The following METTL15 variants were observed in gnomAD, a reference collection of about 807,000 sequenced individuals.
The protein encoded by METTL15 is 12S rRNA N(4)-cytidine methyltransferase METTL15.
Under a neutral mutation model 38.3 loss-of-function variants are expected in METTL15, and 34 were observed. The ratio of observed to expected loss-of-function variants is 0.89; its 90% CI spans 0.68 to 1.18. The LOEUF (loss-of-function observed/expected upper bound fraction) is 1.18. Among genes scored for constraint, METTL15 ranks in the 50% most tolerant of loss-of-function variants. The pLI is 0.00. For missense variants in METTL15, 438 were observed against 498.4 expected, an observed-to-expected ratio of 0.88 and a Z score of 1.15; for synonymous variants, 162 against 170.9, an observed-to-expected ratio of 0.95 and a Z score of 0.41.
At chr11:28,249,725 AT>A (rs762299783) in intron 4 of METTL15, among the ~76,000 whole-genome samples, 32 of 147,522 alleles carry the variant, frequency 2.2e-4, no homozygotes, top group African/African-American at 2.7e-4. Flanking sequence ...CACTAAGGAG[AT>A]TTTTTTTTTT....
chr11:28,180,748 T>G, intron 3 of METTL15, among the ~76,000 whole-genome samples: 1 of 151,830 alleles, frequency 6.6e-6, no homozygotes, highest in East Asian at 1.9e-4. Context: ...AAAAGAATAG[T>G]ATATTTGAAA....
At chr11:28,236,882 A>T (rs911239425) in intron 4 of METTL15, among the ~76,000 whole-genome samples, 3 of 152,172 alleles carry the variant, frequency 2.0e-5, no homozygotes, top group Admixed American at 2.0e-4. Context: ...GCTGGATATG[A>T]AATTCTGGGT....
intron 3 of METTL15, among the ~76,000 whole-genome samples, chr11:28,350,566 A>G (rs1361999621): frequency 1.3e-5 from 2 of 152,192 alleles, no homozygotes; most frequent in African/African-American, 2.4e-5. Flanking sequence ...ACTTTTGGAT[A>G]AGAGCCTGGT....
At chr11:28,217,540 T>C (rs1475352508) in intron 4 of METTL15, among the ~76,000 whole-genome samples, 1 of 152,198 alleles carries the variant, frequency 6.6e-6, no homozygotes, top group Non-Finnish European at 1.5e-5. Context: ...TTTCTTTTGC[T>C]GTGCAGAAGC....
intron 3 of METTL15, among the ~76,000 whole-genome samples, chr11:28,349,796 G>T (rs1850026563): frequency 6.6e-6 from 1 of 152,128 alleles, no homozygotes; most frequent in South Asian, 2.1e-4. Context: ...GGCAACTACT[G>T]TTCTGATTTG....
At chr11:28,296,970 A>T in intron 6 of METTL15, 39 bp downstream of exon 6, 1 of 1,608,818 alleles carries the variant, frequency 6.2e-7, no homozygotes, top group Non-Finnish European at 8.5e-7. Flanking sequence ...AAGAGAAAAA[A>T]TTATATTTAC....
intron 3 of METTL15, among the ~76,000 whole-genome samples, chr11:28,159,266 A>G (rs1405267281): frequency 1.3e-5 from 2 of 152,100 alleles, no homozygotes; most frequent in Non-Finnish European, 1.5e-5. Context: ...TCAGTCTACT[A>G]CGCCGCAACG....
intron 4 of METTL15, among the ~76,000 whole-genome samples, chr11:28,263,873 C>T (rs750620113): frequency 9.2e-5 from 14 of 151,818 alleles, no homozygotes; most frequent in Non-Finnish European, 2.1e-4. Context: ...TCATATATTG[C>T]CCTTTGCTAT....
chr11:28,525,030 G>A (rs532997597), intron 6 of METTL15, among the ~76,000 whole-genome samples: 11 of 151,830 alleles, frequency 7.2e-5, no homozygotes, highest in Non-Finnish European at 1.2e-4. Flanking sequence ...AAGGCAGCGC[G>A]TCTGGAGTTG....
At chr11:28,220,214 CT>C (rs962497916) in intron 4 of METTL15, among the ~76,000 whole-genome samples, 103 of 152,248 alleles carry the variant, frequency 6.8e-4, no homozygotes, top group African/African-American at 2.3e-3. Context: ...TTGTAGGTCT[CT>C]GAGGACTTGC....
At chr11:28,128,635 G>C (rs1055573208) in intron 3 of METTL15, among the ~76,000 whole-genome samples, 1 of 151,994 alleles carries the variant, frequency 6.6e-6, no homozygotes, top group Non-Finnish European at 1.5e-5. Flanking sequence ...AATGTTTTGC[G>C]TAAAAGTTGA....
At chr11:28,413,179 T>C (rs2133414422) in intron 5 of METTL15, among the ~76,000 whole-genome samples, 1 of 152,152 alleles carries the variant, frequency 6.6e-6, no homozygotes, top group Middle Eastern at 3.4e-3. Context: ...TTTAATACCA[T>C]TTATATATGG....
chr11:28,126,941 C>A (rs1168658792), intron 3 of METTL15, among the ~76,000 whole-genome samples: 1 of 151,830 alleles, frequency 6.6e-6, no homozygotes, highest in Non-Finnish European at 1.5e-5. Flanking sequence ...AGAATCTAGA[C>A]AATTAAATAG....
chr11:28,286,002 A>G (rs543971246), intron 4 of METTL15, among the ~76,000 whole-genome samples: 5 of 152,190 alleles, frequency 3.3e-5, no homozygotes, highest in Non-Finnish European at 5.9e-5. Context: ...TATTATATCT[A>G]TCAGGCTACT....
intron 5 of METTL15, among the ~76,000 whole-genome samples, chr11:28,414,945 C>T (rs963287579): frequency 2.6e-5 from 4 of 152,144 alleles, no homozygotes; most frequent in African/African-American, 9.7e-5. Context: ...TTGAAGCTTG[C>T]ATTGCTGTAG....
chr11:28,204,171 G>A (rs1282881513), intron 3 of METTL15, among the ~76,000 whole-genome samples: 1 of 151,880 alleles, frequency 6.6e-6, no homozygotes, highest in African/African-American at 2.4e-5. Flanking sequence ...GTAAAGTTGG[G>A]GGATTGTAGA....
At chr11:28,488,731 A>T (rs1248727810) in intron 6 of METTL15, among the ~76,000 whole-genome samples, 3 of 152,192 alleles carry the variant, frequency 2.0e-5, no homozygotes, top group Admixed American at 6.6e-5. Flanking sequence ...TAAATCAGTC[A>T]GATACACCCA....
chr11:28,288,775 C>T (rs1856392775), intron 4 of METTL15, among the ~76,000 whole-genome samples: 1 of 151,874 alleles, frequency 6.6e-6, no homozygotes, highest in Non-Finnish European at 1.5e-5. Context: ...TACAAGTTTG[C>T]CTATATAACA....
chr11:28,280,162 A>G (rs1255763125), intron 4 of METTL15, among the ~76,000 whole-genome samples: 1 of 151,310 alleles, frequency 6.6e-6, no homozygotes, highest in East Asian at 1.9e-4. Context: ...ATTTTTTCCC[A>G]TTTTTCCCAT....
Sources: gnomAD v4.1 joint callset for allele counts (sites outside exome capture counted in the v4.1 genomes callset) on GRCh38, gnomAD v4.1.1 for gene constraint, MANE v1.5 for transcripts, NCBI Gene and HGNC (gene_info 2026-07-23, HGNC 2026-07-21) for gene names.